Variants in MTX2 observed in about 807,000 individuals in gnomAD.
The protein encoded by MTX2 is metaxin 2.
MTX2 carries 35 observed loss-of-function variants against 42.3 expected under a neutral mutation model. That is an observed-to-expected ratio of 0.83 (90% CI 0.63 to 1.10). The LOEUF (loss-of-function observed/expected upper bound fraction) is 1.10. Ranked by LOEUF, MTX2 falls within the 50% of genes least tolerant of loss-of-function variation. The probability of loss-of-function intolerance (pLI) is 0.00; values close to 1 mark genes in which losing one functional copy is unlikely to be tolerated. For synonymous variants in MTX2, 119 were observed against 100.9 expected (o/e 1.18, Z -1.08); for missense variants, 307 against 304.1 (o/e 1.01, Z -0.07).
In MTX2 at chr2:176,327,542, AT is replaced by A. The variant is rs1486472444; in HGVS notation, c.285+642del. 4.7e-5 allele frequency among the ~76,000 whole-genome samples: 7 copies of A among 148,782 alleles called. No individual in the cohort carries two copies. In the East Asian group the frequency reaches 1.4e-3, roughly 29 times the overall value. On this transcript the variant is annotated intron_variant, in intron 5 of 9. Transcript: ENST00000249442. ...ATTGTTGTATTCTGCTGTATTGGAG[AT>A]ATATATATATCTCCAAAATATATAT...
intron 3 of MTX2, among the ~76,000 whole-genome samples, chr2:176,304,061 T>C (rs1684088755): frequency 6.6e-6 from 1 of 152,156 alleles, no homozygotes; most frequent in South Asian, 2.1e-4. Context: ...TTTTCATTAT[T>C]AGATATACAA....
chr2:176,315,125 G>A (rs999653270), intron 3 of MTX2, among the ~76,000 whole-genome samples: 5 of 152,080 alleles, frequency 3.3e-5, no homozygotes, highest in African/African-American at 4.8e-5. Flanking sequence ...GCACATGGCC[G>A]TACTCTTAGC....
intron 4 of MTX2, among the ~76,000 whole-genome samples, chr2:176,323,890 T>C (rs1191203732): frequency 6.6e-6 from 1 of 151,678 alleles, no homozygotes; most frequent in Non-Finnish European, 1.5e-5. Context: ...GTAGAAAAAT[T>C]AATTTGTCGT....
rs982498407 is a variant in MTX2, at chr2:176,337,280, A to G, written c.621-213A>G. 3.3e-5 allele frequency among the ~76,000 whole-genome samples: 5 copies of G among 152,192 alleles called. No homozygotes were observed. In the East Asian group the frequency reaches 9.7e-4, roughly 29 times the overall value. ...TGGTTGTGAATTCCTGAGTTCAAAC[A>G]GTCCGCCCACCTCAGCCTCCCAAAG... On this transcript the variant is annotated intron_variant, in intron 9 of 9. Coordinates refer to ENST00000249442, the MANE Select transcript of MTX2 (RefSeq NM_006554.5).
chr2:176,329,432 T>C lies in MTX2; in HGVS notation c.543+6T>C, dbSNP rs1473155172. ...GAAAGAAGACTCTGGACCAGGTCAG[T>C]TCAGGTTGAAGTTGACAAAACCCTC... is the stretch of plus-strand genomic sequence containing the variant. On this transcript the variant is annotated splice_donor_region_variant and intron_variant, in intron 8 of 9. Coordinates refer to ENST00000249442, the MANE Select transcript of MTX2 (RefSeq NM_006554.5). The C allele has an allele frequency of 6.2e-7, 1 of 1,601,406 alleles. No homozygotes were observed. The highest frequency in any genetic ancestry group is 1.1e-5 in the South Asian group (1 of 89,402).
At chr2:176,319,250 G>A (rs1448555093) in intron 3 of MTX2, among the ~76,000 whole-genome samples, 1 of 152,118 alleles carries the variant, frequency 6.6e-6, no homozygotes, top group Non-Finnish European at 1.5e-5. Context: ...AGATGAGTGT[G>A]CCATGCCAGT....
chr2:176,306,483 A>G (rs1333050222), intron 3 of MTX2, among the ~76,000 whole-genome samples: 6 of 152,224 alleles, frequency 3.9e-5, no homozygotes, highest in Admixed American at 1.3e-4. Flanking sequence ...AGGAATCGCC[A>G]CACTGTCTTC....
At chr2:176,325,590 A>G (rs1378352054) in intron 4 of MTX2, among the ~76,000 whole-genome samples, 1 of 151,766 alleles carries the variant, frequency 6.6e-6, no homozygotes, top group Non-Finnish European at 1.5e-5. Flanking sequence ...AACAAGGAAT[A>G]TGCTTTGCTC....
chr2:176,302,674 A>G (rs1189379302), intron 3 of MTX2, among the ~76,000 whole-genome samples: 1 of 151,944 alleles, frequency 6.6e-6, no homozygotes, highest in Non-Finnish European at 1.5e-5. Context: ...CTGACCTCAA[A>G]TGATCCACCC....
Position 176,325,243 on chromosome 2 carries a change from C to G in MTX2, c.209-1582C>G, listed in dbSNP as rs146342538. On this transcript the variant is annotated intron_variant, in intron 4 of 9. Transcript: ENST00000249442. The stretch of plus-strand genomic sequence containing the variant: ...AAAATTTTAAAAGTGATTATTCTGT[C>G]TAAGACGGTAAACAAAGCCCTCAGT... 6.6e-3 allele frequency among the ~76,000 whole-genome samples: 1,006 copies of G among 151,790 alleles called. 15 individuals are homozygous for G. The highest frequency in any genetic ancestry group is 0.023 in the African/African-American group (942 of 41,488).
At chr2:176,317,217 T>TC (rs889318087) in intron 3 of MTX2, among the ~76,000 whole-genome samples, 4 of 152,076 alleles carry the variant, frequency 2.6e-5, no homozygotes, top group African/African-American at 4.8e-5. Flanking sequence ...CTTCCTTTTT[T>TC]CCCTCCTTTC....
At chr2:176,320,852 G>T (rs1457779521) in intron 3 of MTX2, among the ~76,000 whole-genome samples, 2 of 151,972 alleles carry the variant, frequency 1.3e-5, no homozygotes, top group East Asian at 3.9e-4. Context: ...GCACCACCAT[G>T]CCCAGCTAAT....
At chr2:176,329,215 A>G in intron 7 of MTX2, 86 bp from the exon 8 acceptor site, 2 of 1,439,208 alleles carry the variant, frequency 1.4e-6, no homozygotes, top group Non-Finnish European at 1.9e-6. Context: ...GTTCTCTGAA[A>G]ATATATTTCT....
chr2:176,317,605 G>GCC, intron 3 of MTX2, among the ~76,000 whole-genome samples: 1 of 152,026 alleles, frequency 6.6e-6, no homozygotes, highest in Non-Finnish European at 1.5e-5. Context: ...ACTATTCCTA[G>GCC]CCCACCCCAC....
In MTX2 at chr2:176,337,594, A is replaced by C. The variant is rs1185584487; in HGVS notation, c.722A>C (p.Asn241Thr). 1 of 1,613,328 alleles carries C rather than the reference A, an allele frequency of 6.2e-7. No individual in the cohort carries two copies. Among genetic ancestry groups the C allele is most frequent in the African/African-American group, 1.3e-5 (1 of 74,978 alleles). Residue 241 changes from asparagine to threonine, a missense_variant, in exon 10 of 10, where the codon AAC (asparagine) becomes ACC (threonine). Asn to Thr is a moderately conservative substitution (Grantham distance 65, BLOSUM62 0). Coordinates refer to ENST00000249442, the MANE Select transcript of MTX2 (RefSeq NM_006554.5). ...ELSEKVKNYS[N>T]LLAFCRRIEQ... ...TCTGAGAAGGTGAAAAACTATAGCAACCTCCTTGCTTTCTGTAGGAGAATT... is the reference window on the plus strand; with the variant it reads ...TCTGAGAAGGTGAAAAACTATAGCACCCTCCTTGCTTTCTGTAGGAGAATT...
chr2:176,320,013 T>C (rs1684539950), intron 3 of MTX2, among the ~76,000 whole-genome samples: 1 of 152,138 alleles, frequency 6.6e-6, no homozygotes, highest in South Asian at 2.1e-4. Flanking sequence ...TGAAAATGCT[T>C]TGTGACATCA....
intron 1 of MTX2, among the ~76,000 whole-genome samples, chr2:176,287,916 G>A (rs930506559): frequency 7.1e-5 from 10 of 141,236 alleles, no homozygotes; most frequent in South Asian, 4.5e-4. Context: ...TTTTTTTAAC[G>A]TTTATGGAAA....
In MTX2 at chr2:176,293,914, T is replaced by C. The variant is rs76428797; in HGVS notation, c.41-2946T>C. The stretch of plus-strand genomic sequence containing the variant: ...ACTCTACCATTTCTTGTCTACTGCA[T>C]GATAAACTGCAATTCCTAGCTGCTG... On this transcript the variant is annotated intron_variant, in intron 1 of 9. Coordinates refer to ENST00000249442, the MANE Select transcript of MTX2 (RefSeq NM_006554.5). 3.3e-5 allele frequency among the ~76,000 whole-genome samples: 5 copies of C among 152,346 alleles called. No homozygotes were observed. In the East Asian group the frequency reaches 9.6e-4, roughly 29 times the overall value.
chr2:176,277,092 C>T lies in MTX2; in HGVS notation c.40+7423C>T, dbSNP rs77882994. Among the ~76,000 whole-genome samples the T allele has an allele frequency of 3.5e-3, 525 of 152,092 alleles. 20 individuals carry two copies. The South Asian group carries it at 0.056, about 16-fold the overall frequency. On this transcript the variant is annotated intron_variant, in intron 1 of 9. Coordinates refer to ENST00000249442, the MANE Select transcript of MTX2 (RefSeq NM_006554.5). Reference sequence around the variant, plus strand: ...TAGTTTTGCAGCGTTCCATGGAACCCATATGTACGCATCTTGAAAGTGTGA... The same window carrying T: ...TAGTTTTGCAGCGTTCCATGGAACCTATATGTACGCATCTTGAAAGTGTGA...
Sources: allele counts gnomAD v4.1 joint callset (sites outside exome capture counted in the v4.1 genomes callset), GRCh38; gene constraint gnomAD v4.1.1; transcripts MANE v1.5; gene names NCBI Gene and HGNC (gene_info 2026-07-23, HGNC 2026-07-21).